Variants in NSMCE2 observed in about 807,000 individuals in gnomAD.
The protein encoded by NSMCE2 is E3 SUMO-protein ligase NSE2.
A neutral mutation model predicts 23.8 loss-of-function variants in NSMCE2; 24 were observed. The observed-to-expected ratio is 1.01, with a 90% CI of 0.73 to 1.42. The LOEUF (loss-of-function observed/expected upper bound fraction) is 1.42. NSMCE2 is among the 40% of genes most tolerant of loss of function. The pLI is 0.00. For synonymous variants in NSMCE2, 92 were observed against 94.1 expected, an observed-to-expected ratio of 0.98 and a Z score of 0.13; for missense variants, 284 against 296.5, an observed-to-expected ratio of 0.96 and a Z score of 0.31.
intron 5 of NSMCE2, among the ~76,000 whole-genome samples, chr8:125,194,483 T>G (rs1236419222): frequency 6.6e-6 from 1 of 152,190 alleles, no homozygotes; most frequent in Admixed American, 6.6e-5. Context: ...CATAGTTTGT[T>G]TATTCATTTA....
chr8:125,113,113 T>G (rs1818848182), intron 3 of NSMCE2, among the ~76,000 whole-genome samples: 1 of 150,474 alleles, frequency 6.6e-6, no homozygotes, highest in South Asian at 2.1e-4. Flanking sequence ...TTTGAAAAAC[T>G]CAGTTCTTTT....
chr8:125,361,569 G>A (rs868663848), intron 7 of NSMCE2, among the ~76,000 whole-genome samples: 7 of 152,300 alleles, frequency 4.6e-5, no homozygotes, highest in Middle Eastern at 6.8e-3. Context: ...TCTGTAAAGT[G>A]GAAATAACAT....
intron 5 of NSMCE2, 139 bp from the exon 6 acceptor site, chr8:125,357,078 AAG>A: frequency 1.6e-6 from 1 of 616,420 alleles, no homozygotes; most frequent in East Asian, 2.7e-5. Context: ...TGAAAAGCAG[AAG>A]AGTTTCTATG....
chr8:125,109,969 A>G (rs551326049), intron 3 of NSMCE2, among the ~76,000 whole-genome samples: 1 of 152,066 alleles, frequency 6.6e-6, no homozygotes. Flanking sequence ...TGAGTTTATT[A>G]TGTACTTTTC....
chr8:125,095,649 C>T (rs1277290900), intron 1 of NSMCE2, among the ~76,000 whole-genome samples: 1 of 151,592 alleles, frequency 6.6e-6, no homozygotes, highest in Non-Finnish European at 1.5e-5. Flanking sequence ...AATCCTAGCA[C>T]TTTGGGAGGC....
chr8:125,257,348 T>C (rs903669362), intron 5 of NSMCE2, among the ~76,000 whole-genome samples: 2 of 149,412 alleles, frequency 1.3e-5, no homozygotes, highest in Admixed American at 6.7e-5. Context: ...GGGAAAAGAA[T>C]GATCCAAGAA....
intron 4 of NSMCE2, among the ~76,000 whole-genome samples, chr8:125,158,959 C>G (rs1821460683): frequency 6.6e-6 from 1 of 152,178 alleles, no homozygotes; most frequent in Admixed American, 6.5e-5. Context: ...TCCACTGTTT[C>G]AGTTATCTGT....
intron 5 of NSMCE2, among the ~76,000 whole-genome samples, chr8:125,306,022 A>G (rs1828742508): frequency 6.6e-6 from 1 of 152,210 alleles, no homozygotes; most frequent in Admixed American, 6.5e-5. Flanking sequence ...ATTACAGGTC[A>G]TAGTATTGAA....
chr8:125,359,487 C>T (rs563248658), intron 7 of NSMCE2, among the ~76,000 whole-genome samples: 1 of 151,976 alleles, frequency 6.6e-6, no homozygotes, highest in East Asian at 2.0e-4. Context: ...GCATGCACCA[C>T]CACGCCCAGC....
At chr8:125,222,044 G>A (rs532687343) in intron 5 of NSMCE2, among the ~76,000 whole-genome samples, 3 of 152,032 alleles carry the variant, frequency 2.0e-5, no homozygotes, top group East Asian at 3.9e-4. Context: ...TTATTTATAT[G>A]TATACTCATT....
intron 5 of NSMCE2, among the ~76,000 whole-genome samples, chr8:125,260,586 C>A (rs1221006640): frequency 1.3e-5 from 2 of 149,522 alleles, no homozygotes; most frequent in African/African-American, 2.5e-5. Context: ...AGGTGGCCGT[C>A]TTCTTTGTGG....
intron 5 of NSMCE2, among the ~76,000 whole-genome samples, chr8:125,312,428 A>C (rs913018280): frequency 6.6e-6 from 1 of 152,092 alleles, no homozygotes; most frequent in African/African-American, 2.4e-5. Context: ...GTTCAAGACC[A>C]GCCTGGCCAA....
At chr8:125,162,091 T>G (rs1821657617) in intron 4 of NSMCE2, among the ~76,000 whole-genome samples, 1 of 152,134 alleles carries the variant, frequency 6.6e-6, no homozygotes, top group South Asian at 2.1e-4. Flanking sequence ...AATAGGAACT[T>G]TAAGTGGAAT....
At chr8:125,245,802 G>A (rs183985093) in intron 5 of NSMCE2, among the ~76,000 whole-genome samples, 1 of 152,184 alleles carries the variant, frequency 6.6e-6, no homozygotes, top group Non-Finnish European at 1.5e-5. Context: ...GGGAGGCCCA[G>A]GCAGTGGATC....
At chr8:125,099,285 GTTGTA>G (rs1818075503) in intron 1 of NSMCE2, among the ~76,000 whole-genome samples, 2 of 152,052 alleles carry the variant, frequency 1.3e-5, no homozygotes, top group Non-Finnish European at 2.9e-5. Flanking sequence ...AGGGCTTGCC[GTTGTA>G]TATCAGATGG....
At chr8:125,297,683 A>G (rs1001516368) in intron 5 of NSMCE2, among the ~76,000 whole-genome samples, 80 of 152,090 alleles carry the variant, frequency 5.3e-4, no homozygotes, top group Middle Eastern at 3.4e-3. Context: ...AAAAAAAAAA[A>G]TTAAAGCCAG....
intron 4 of NSMCE2, among the ~76,000 whole-genome samples, chr8:125,172,089 C>G (rs1822247922): frequency 6.6e-6 from 1 of 152,146 alleles, no homozygotes; most frequent in African/African-American, 2.4e-5. Flanking sequence ...AATTGATTGT[C>G]TGAGTGGTGA....
intron 1 of NSMCE2, among the ~76,000 whole-genome samples, chr8:125,097,783 G>A (rs577104570): frequency 1.3e-5 from 2 of 152,230 alleles, no homozygotes; most frequent in Admixed American, 6.5e-5. Context: ...ATATCAAATA[G>A]TTAAGGTTAT....
At chr8:125,143,644 A>T (rs73704541) in intron 3 of NSMCE2, among the ~76,000 whole-genome samples, 3 of 152,224 alleles carry the variant, frequency 2.0e-5, no homozygotes, top group African/African-American at 7.2e-5. Flanking sequence ...CTGTTCAGAC[A>T]TGCCTGTACA....
Sources: gnomAD v4.1 joint callset for allele counts (sites outside exome capture counted in the v4.1 genomes callset) on GRCh38, gnomAD v4.1.1 for gene constraint, MANE v1.5 for transcripts, NCBI Gene and HGNC (gene_info 2026-07-23, HGNC 2026-07-21) for gene names.